Variants in ITSN1 observed in about 807,000 individuals in gnomAD.
ITSN1 encodes intersectin-1.
ITSN1 carries 58 observed loss-of-function variants against 239.8 expected under a neutral mutation model. The ratio of observed to expected loss-of-function variants is 0.24; its 90% CI spans 0.20 to 0.30. ITSN1 has a LOEUF of 0.30. Among genes scored for constraint, ITSN1 ranks in the 10% least tolerant of loss-of-function variants. ITSN1 has a pLI of 1.00. For synonymous variants in ITSN1, 780 were observed against 770.8 expected (o/e 1.01, Z -0.20); for missense variants, 1,558 against 2,103.3 (o/e 0.74, Z 5.07).
chr21:33,746,217 C>T (rs1303045686), intron 5 of ITSN1, among the ~76,000 whole-genome samples: 4 of 152,138 alleles, frequency 2.6e-5, no homozygotes, highest in African/African-American at 9.7e-5. Context: ...AAGATAGAAA[C>T]AACAACCTTC....
intron 9 of ITSN1, among the ~76,000 whole-genome samples, chr21:33,764,804 G>T (rs2068606411): frequency 6.6e-6 from 1 of 152,314 alleles, no homozygotes; most frequent in Admixed American, 6.5e-5. Flanking sequence ...TTCTTTTGAT[G>T]GTCCAGAAAT....
chr21:33,803,643 A>G (rs988923741), intron 20 of ITSN1, among the ~76,000 whole-genome samples: 6 of 152,250 alleles, frequency 3.9e-5, no homozygotes, highest in Non-Finnish European at 8.8e-5. Context: ...ACTGTTAACA[A>G]TGGTTACCAC....
chr21:33,846,475 C>A (rs1408405458), intron 29 of ITSN1, among the ~76,000 whole-genome samples: 1 of 152,240 alleles, frequency 6.6e-6, no homozygotes, highest in African/African-American at 2.4e-5. Flanking sequence ...CCCATTAAGA[C>A]CTCCATGGTA....
intron 1 of ITSN1, among the ~76,000 whole-genome samples, chr21:33,693,653 A>G (rs1488313589): frequency 1.3e-5 from 2 of 152,080 alleles, no homozygotes; most frequent in Non-Finnish European, 2.9e-5. Context: ...CACTGTACCC[A>G]GCCCCTTCTT....
At chr21:33,807,707 C>A (rs1038679346) in intron 20 of ITSN1, among the ~76,000 whole-genome samples, 1 of 152,148 alleles carries the variant, frequency 6.6e-6, no homozygotes, top group Non-Finnish European at 1.5e-5. Context: ...AAGCAGCTGA[C>A]CTTTGAGGAG....
intron 33 of ITSN1, among the ~76,000 whole-genome samples, chr21:33,874,039 C>T (rs1983219136): frequency 6.6e-6 from 1 of 150,862 alleles, no homozygotes; most frequent in African/African-American, 2.4e-5. Flanking sequence ...GCTGTAGTCC[C>T]AGCTACTCGG....
intron 1 of ITSN1, among the ~76,000 whole-genome samples, chr21:33,706,492 A>AC (rs35564395): frequency 2.6e-5 from 4 of 151,636 alleles, no homozygotes; most frequent in African/African-American, 4.9e-5. Context: ...AAAAAAAAAA[A>AC]CACTGGATAT....
At chr21:33,858,468 A>G (rs1979800475) in intron 30 of ITSN1, among the ~76,000 whole-genome samples, 1 of 152,138 alleles carries the variant, frequency 6.6e-6, no homozygotes, top group South Asian at 2.1e-4. Flanking sequence ...CTTCCCCTGT[A>G]AAACAATGCA....
At chr21:33,836,753 C>T (rs760678287) in intron 29 of ITSN1, 121 bp downstream of exon 29, 15 of 847,592 alleles carry the variant, frequency 1.8e-5, no homozygotes, top group East Asian at 1.5e-4. Context: ...TTGCTGCATT[C>T]GCAGTCGTCT....
At chr21:33,742,279 A>T (rs1378182702) in intron 5 of ITSN1, among the ~76,000 whole-genome samples, 1 of 151,976 alleles carries the variant, frequency 6.6e-6, no homozygotes, top group Non-Finnish European at 1.5e-5. Context: ...CTGGTCTCGA[A>T]CTTCTGATCT....
chr21:33,690,762 GA>G (rs531591662), intron 1 of ITSN1, among the ~76,000 whole-genome samples: 12 of 66,196 alleles, frequency 1.8e-4, no homozygotes, highest in African/African-American at 2.4e-4. Context: ...CTCTGCCTCA[GA>G]AAAAAAAAAG....
intron 5 of ITSN1, 168 bp from the exon 6 acceptor site, chr21:33,749,975 C>A (rs950723109): frequency 4.7e-6 from 3 of 643,948 alleles, no homozygotes; most frequent in Non-Finnish European, 8.1e-6. Context: ...TGATGTGATC[C>A]TTGACATAAT....
At chr21:33,705,172 CTGT>C (rs2092200969) in intron 1 of ITSN1, among the ~76,000 whole-genome samples, 1 of 151,106 alleles carries the variant, frequency 6.6e-6, no homozygotes, top group African/African-American at 2.4e-5. Context: ...CTGAACCAGC[CTGT>C]TGTTTTTATA....
At chr21:33,803,871 T>C (rs16990876) in intron 20 of ITSN1, among the ~76,000 whole-genome samples, 2,078 of 152,288 alleles carry the variant, frequency 0.014, 45 homozygotes, top group African/African-American at 0.048. Flanking sequence ...GCATAATTCG[T>C]TGGCTTGCAG....
intron 1 of ITSN1, among the ~76,000 whole-genome samples, chr21:33,651,206 G>T (rs2088500611): frequency 2.0e-5 from 3 of 152,272 alleles, no homozygotes; most frequent in Admixed American, 2.0e-4. Context: ...GACAGGTGGG[G>T]AGTGAAGGAG....
Position 33,722,584 on chromosome 21 carries a change from A to G in ITSN1, c.122-4A>G, listed in dbSNP as rs1193823971. On this transcript the variant is annotated splice_polypyrimidine_tract_variant and splice_region_variant and intron_variant, in intron 3 of 39. Coordinates refer to ENST00000381318, the MANE Select transcript of ITSN1 (RefSeq NM_003024.3). Reference sequence around the variant, plus strand: ...TCCTGAAACTTTTTCTGTTTAATTTACAGGTGATCAAGCTAGAAACTTTTT... The same window carrying G: ...TCCTGAAACTTTTTCTGTTTAATTTGCAGGTGATCAAGCTAGAAACTTTTT... 5.3e-6 allele frequency: 8 copies of G among 1,510,644 alleles called. No homozygotes were observed. In the East Asian group the frequency reaches 1.7e-4, roughly 33 times the overall value. 93.6% of individuals were successfully genotyped at this position (1,510,644 alleles called of 1,614,324 possible). A position where few individuals can be genotyped will look rare whatever the true frequency, so the allele number is the denominator to read the frequency against.
intron 1 of ITSN1, among the ~76,000 whole-genome samples, chr21:33,662,102 C>G (rs1266651246): frequency 6.6e-6 from 1 of 152,134 alleles, no homozygotes; most frequent in African/African-American, 2.4e-5. Flanking sequence ...TCCCCTTTTC[C>G]TCTTCTATTT....
At chr21:33,864,294 C>A (rs901425706) in intron 31 of ITSN1, among the ~76,000 whole-genome samples, 2 of 152,180 alleles carry the variant, frequency 1.3e-5, no homozygotes. Context: ...GATAGCTGAA[C>A]ACACCCATGG....
At chr21:33,809,539 T>A (rs983936950) in intron 20 of ITSN1, among the ~76,000 whole-genome samples, 4 of 152,262 alleles carry the variant, frequency 2.6e-5, no homozygotes, top group African/African-American at 9.6e-5. Flanking sequence ...GTTTGGTTTG[T>A]TTAATGTAAT....
Sources: gnomAD v4.1 joint callset for allele counts (sites outside exome capture counted in the v4.1 genomes callset) on GRCh38, gnomAD v4.1.1 for gene constraint, MANE v1.5 for transcripts, NCBI Gene and HGNC (gene_info 2026-07-23, HGNC 2026-07-21) for gene names.